PCDHGB2: variants seen among roughly 807,000 people sequenced by gnomAD.
The protein encoded by PCDHGB2 is protocadherin gamma-B2.
A neutral mutation model predicts 59.3 loss-of-function variants in PCDHGB2; 55 were observed. The observed-to-expected ratio is 0.93, with a 90% confidence interval of 0.75 to 1.16. The LOEUF (loss-of-function observed/expected upper bound fraction) is 1.16, where lower values mean the gene tolerates loss of function less well. Ranked by LOEUF, PCDHGB2 falls within the 50% of genes most tolerant of loss-of-function variation. The pLI, the probability that PCDHGB2 is intolerant of heterozygous loss-of-function variation, is 0.00. For missense variants in PCDHGB2, 1,228 were observed against 1,198.5 expected (o/e 1.02, Z -0.36); for synonymous variants, 516 against 512.0 (o/e 1.01, Z -0.11).
chr5:141,376,214 C>T, intron 1 of PCDHGB2: 1 of 1,614,204 alleles, frequency 6.2e-7, no homozygotes, highest in Non-Finnish European at 8.5e-7. Flanking sequence ...CGTCATCGTG[C>T]TGCTGGCGCT....
At chr5:141,478,338 C>T in intron 1 of PCDHGB2, 2 of 1,613,936 alleles carry the variant, frequency 1.2e-6, no homozygotes, top group South Asian at 1.1e-5. Flanking sequence ...CCAGGGCCCT[C>T]CTTGCACGCG....
chr5:141,409,462 C>G (rs377705841), intron 1 of PCDHGB2: 1 of 1,613,988 alleles, frequency 6.2e-7, no homozygotes, highest in African/African-American at 1.3e-5. Flanking sequence ...AATACAATGT[C>G]ACCATCGTAG....
At chr5:141,376,215 T>C in intron 1 of PCDHGB2, 1 of 1,614,216 alleles carries the variant, frequency 6.2e-7, no homozygotes, top group Non-Finnish European at 8.5e-7. Flanking sequence ...GTCATCGTGC[T>C]GCTGGCGCTC....
At chr5:141,393,430 C>G in intron 1 of PCDHGB2, 1 of 1,614,040 alleles carries the variant, frequency 6.2e-7, no homozygotes, top group Non-Finnish European at 8.5e-7. Context: ...GAGGAAGAGG[C>G]TGCTCACCAC....
intron 1 of PCDHGB2, among the ~76,000 whole-genome samples, chr5:141,461,557 C>T (rs2154567400): frequency 6.6e-6 from 1 of 152,122 alleles, no homozygotes; most frequent in East Asian, 1.9e-4. Context: ...CAGATGTGTA[C>T]TTTGCAAAGA....
chr5:141,361,678 T>G lies in PCDHGB2; in HGVS notation c.1543T>G (p.Phe515Val), dbSNP rs192424877. The G allele has an allele frequency of 1.4e-4, 224 of 1,613,592 alleles. 3 individuals carry two copies. The South Asian group carries it at 2.0e-3, about 15-fold the overall frequency. ...CGTGAGCGCGCAGAGCGGGGTGGTG[T>G]TCGCGCAGCGCGCCTTCGATCATGA... ...VSVSAQSGVV[F>V]AQRAFDHEQL... Residue 515 changes from phenylalanine to valine, a missense_variant, in exon 1 of 4, where the codon TTC (phenylalanine) becomes GTC (valine). By Grantham distance (50) the Phe-to-Val change is conservative. This residue lies in a region of PCDHGB2 where 781 missense variants were observed against 721.6 expected (regional missense o/e 1.08). Transcript: ENST00000522605.
In PCDHGB2 at chr5:141,361,338, T is replaced by C; in HGVS notation, c.1203T>C (p.Tyr401=). The C allele has an allele frequency of 1.2e-6, 2 of 1,613,948 alleles. No homozygotes were observed. The highest frequency in any genetic ancestry group is 1.7e-6 in the Non-Finnish European group (2 of 1,179,882). The change falls in exon 1 of 4, where the codon TAT becomes TAC. Residue 401 remains tyrosine, a synonymous_variant. Transcript: ENST00000522605. ...KFILKSSSKN[Y]YKLVTDGALD... ...TTTTGAAATCTTCCTCAAAGAACTA[T>C]TACAAACTAGTGACAGACGGCGCTC...
chr5:141,469,284 A>G lies in PCDHGB2; in HGVS notation c.2422-25523A>G, dbSNP rs192391622. On this transcript the variant is annotated intron_variant, in intron 1 of 3. Transcript: ENST00000522605. ...AGAGCAAGACCCCATCTCAAAAAAT[A>G]AAACAAAATAGACTGGGCACGATGG... Among the ~76,000 whole-genome samples, 595 of 152,012 alleles carry G rather than the reference A, an allele frequency of 3.9e-3. 6 individuals are homozygous for G. The highest frequency in any genetic ancestry group is 0.011 in the Admixed American group (171 of 15,260).
intron 1 of PCDHGB2, chr5:141,389,604 G>C: frequency 6.2e-7 from 1 of 1,613,156 alleles, no homozygotes; most frequent in Non-Finnish European, 8.5e-7. Flanking sequence ...TGCGCTCTTC[G>C]ATATGGTGCC....
intron 1 of PCDHGB2, chr5:141,410,657 G>A: frequency 1.9e-6 from 3 of 1,579,248 alleles, no homozygotes; most frequent in Non-Finnish European, 2.6e-6. Flanking sequence ...TTATCTAATA[G>A]TCTACTAGTT....
chr5:141,487,452 T>A lies in PCDHGB2; in HGVS notation c.2422-7355T>A, dbSNP rs778695562. 40 of 1,614,046 alleles carry A rather than the reference T, an allele frequency of 2.5e-5. No homozygotes were observed. The highest frequency in any genetic ancestry group is 3.4e-5 in the Non-Finnish European group (40 of 1,180,004). On this transcript the variant is annotated intron_variant, in intron 1 of 3. Coordinates refer to ENST00000522605, the MANE Select transcript of PCDHGB2 (RefSeq NM_018923.3). This position sits in a 1 kb window ranked among gnomAD's most constrained non-coding sequence, Gnocchi z 5.0. ...ATCCAGCTAGGGTCAGATGACCCTA[T>A]CAAGTTTGTTGATGTGGGAGGCCAC... is the stretch of plus-strand genomic sequence containing the variant.
intron 1 of PCDHGB2, among the ~76,000 whole-genome samples, chr5:141,458,101 G>C (rs530847477): frequency 3.3e-5 from 5 of 152,200 alleles, no homozygotes; most frequent in Non-Finnish European, 7.4e-5. Flanking sequence ...AGTACTTACA[G>C]ATAGTCTCCA....
chr5:141,360,926 T>C lies in PCDHGB2; in HGVS notation c.791T>C (p.Val264Ala). The part of the protein sequence containing the change: ...DVPPGFFVLQ[V>A]TATDRDEGIN... ...CCGCCGGGCTTCTTTGTGCTTCAAG[T>C]GACAGCCACCGACCGGGATGAAGGC... The change falls in exon 1 of 4, where the codon GTG (valine) becomes GCG (alanine). Residue 264 changes from valine (V) to alanine (A), a missense_variant. This residue lies in a region of PCDHGB2 where 781 missense variants were observed against 721.6 expected (regional missense o/e 1.08). Coordinates refer to ENST00000522605, the MANE Select transcript of PCDHGB2 (RefSeq NM_018923.3). 6.2e-7 allele frequency: 1 copy of C among 1,613,986 alleles called. No homozygotes were observed. Among genetic ancestry groups the C allele is most frequent in the Non-Finnish European group, 8.5e-7 (1 of 1,179,892 alleles).
intron 1 of PCDHGB2, chr5:141,420,927 G>A (rs1257204379): frequency 2.8e-6 from 1 of 362,530 alleles, no homozygotes; most frequent in Non-Finnish European, 5.0e-6. Context: ...ACAAAGGTGA[G>A]CGTAATCATT....
intron 1 of PCDHGB2, chr5:141,395,872 T>G (rs950924655): frequency 2.0e-5 from 3 of 152,138 alleles, no homozygotes; most frequent in Non-Finnish European, 4.4e-5. Context: ...ATTAAGTATG[T>G]GAGTCAGTGG....
chr5:141,409,669 C>A, intron 1 of PCDHGB2: 1 of 1,613,528 alleles, frequency 6.2e-7, no homozygotes, highest in Non-Finnish European at 8.5e-7. Context: ...ACATCTCCTA[C>A]TCTATAGTGG....
intron 1 of PCDHGB2, chr5:141,399,475 C>G: frequency 1.2e-6 from 2 of 1,614,022 alleles, no homozygotes; most frequent in Non-Finnish European, 1.7e-6. Context: ...GGTTTTCCAC[C>G]AGGCGTCCTA....
rs201073884 is a variant in PCDHGB2 at position 141,486,264 on chromosome 5, A to C, written c.2422-8543A>C. On this transcript the variant is annotated intron_variant, in intron 1 of 3. Coordinates refer to ENST00000522605, the MANE Select transcript of PCDHGB2 (RefSeq NM_018923.3). This position sits in a 1 kb window ranked among gnomAD's most constrained non-coding sequence, Gnocchi z 5.0. The stretch of plus-strand genomic sequence containing the variant: ...CTTGGAACCCTCCCCGAGAGTGCAG[A>C]ACCTGGCACTGTGGTGGCACTTATC... 8 of 1,614,032 alleles carry C rather than the reference A, an allele frequency of 5.0e-6. No individual in the cohort carries two copies. The East Asian group carries it at 1.6e-4, about 31-fold the overall frequency.
In PCDHGB2 at chr5:141,487,218, C is replaced by G. The variant is rs2099641338; in HGVS notation, c.2422-7589C>G. The stretch of plus-strand genomic sequence containing the variant: ...CCAGATCTTCGAGAATCTTCAGCTC[C>G]AAGGGAAGGAGAATCTCGTCTAACC... On this transcript the variant is annotated intron_variant, in intron 1 of 3. Transcript: ENST00000522605. The surrounding 1 kb of genome is among the most constrained non-coding windows in gnomAD (Gnocchi z 5.0). 1 of 1,613,820 alleles carries G rather than the reference C, an allele frequency of 6.2e-7. No homozygotes were observed. The highest frequency in any genetic ancestry group is 1.1e-5 in the South Asian group (1 of 91,078).
Sources: allele counts gnomAD v4.1 joint callset (sites outside exome capture counted in the v4.1 genomes callset), GRCh38; gene constraint gnomAD v4.1.1; regional missense constraint gnomAD v4.1.1; non-coding constraint Gnocchi (gnomAD v3.1); transcripts MANE v1.5; gene names NCBI Gene and HGNC (gene_info 2026-07-23, HGNC 2026-07-21).